The following SYT2 variants were observed in gnomAD, a reference collection of about 807,000 sequenced individuals.
SYT2 encodes the protein synaptotagmin 2, also known as synaptotagmin-2.
SYT2 carries 15 observed loss-of-function variants against 39.9 expected under a neutral mutation model. The ratio of observed to expected loss-of-function variants is 0.38; its 90% CI spans 0.25 to 0.58. The LOEUF is 0.58. Among genes scored for constraint, SYT2 ranks in the 20% least tolerant of loss-of-function variants. The pLI is 0.70. For missense variants in SYT2, 389 were observed against 530.3 expected (o/e 0.73, Z 2.62); for synonymous variants, 181 against 204.5 (o/e 0.89, Z 0.98).
At chr1:202,646,900 C>T (rs987184762) in intron 1 of SYT2, among the ~76,000 whole-genome samples, 3 of 152,192 alleles carry the variant, frequency 2.0e-5, no homozygotes, top group African/African-American at 7.2e-5. Context: ...TAACTTCTCC[C>T]TCTAGGCTTC....
intron 1 of SYT2, chr1:202,627,447 CAA>C (rs1290927287): frequency 2.0e-6 from 2 of 985,262 alleles, no homozygotes; most frequent in South Asian, 4.7e-5. Context: ...ACCCCAAAGC[CAA>C]AAGAGGCACC....
rs1690440500 is a variant in SYT2 at position 202,599,931 on chromosome 1, A to G, written c.919+426T>C. On this transcript the variant is annotated intron_variant, in intron 7 of 8. Coordinates refer to ENST00000367268, the MANE Select transcript of SYT2 (RefSeq NM_177402.5). The surrounding 1 kb of genome is among the most constrained non-coding windows in gnomAD (Gnocchi z 4.4). ...CCATTCACTGCCAGGTAAATGTGAT[A>G]TTCAGAGCATCTTCCACTCCCTTGC... Among the ~76,000 whole-genome samples, 1 of 152,172 alleles carries G rather than the reference A, an allele frequency of 6.6e-6. No individual in the cohort carries two copies. Among genetic ancestry groups the G allele is most frequent in the South Asian group, 2.1e-4 (1 of 4,830 alleles).
intron 1 of SYT2, among the ~76,000 whole-genome samples, chr1:202,651,635 T>C (rs1351318278): frequency 6.6e-6 from 1 of 152,224 alleles, no homozygotes; most frequent in East Asian, 1.9e-4. Flanking sequence ...TTCCTATCTA[T>C]CAATAGTTAT....
intron 1 of SYT2, among the ~76,000 whole-genome samples, chr1:202,627,195 G>A (rs1039094114): frequency 1.3e-5 from 2 of 152,190 alleles, no homozygotes; most frequent in African/African-American, 2.4e-5. Flanking sequence ...CAGAGACTGC[G>A]TCACTTCTTC....
rs969550399 is a variant in SYT2 at position 202,592,762 on chromosome 1, G to A, written c.*3995C>T. On this transcript the variant is annotated 3_prime_UTR_variant, in exon 9 of 9. Coordinates refer to ENST00000367268, the MANE Select transcript of SYT2 (RefSeq NM_177402.5). ...AAAACTGGTTAAGTCAAATCCTTGG[G>A]GTTCCTGGCCCCTTGGGACCAAAGG... 2 of 152,200 alleles carry A rather than the reference G, an allele frequency of 1.3e-5. No homozygotes were observed. Among genetic ancestry groups the A allele is most frequent in the Non-Finnish European group, 2.9e-5 (2 of 68,040 alleles). 9.4% of individuals were successfully genotyped at this position (152,200 alleles called of 1,614,324 possible).
intron 1 of SYT2, among the ~76,000 whole-genome samples, chr1:202,656,318 C>A (rs1279114248): frequency 1.3e-5 from 2 of 152,210 alleles, no homozygotes; most frequent in African/African-American, 2.4e-5. Flanking sequence ...TTTCCCGACT[C>A]CAGATCCTCG....
At chr1:202,631,378 A>G (rs940614896) in intron 1 of SYT2, among the ~76,000 whole-genome samples, 1 of 152,178 alleles carries the variant, frequency 6.6e-6, no homozygotes, top group African/African-American at 2.4e-5. Flanking sequence ...CCGTAAACAC[A>G]GCTAGCCTGC....
chr1:202,669,799 T>C (rs1251456557), intron 1 of SYT2, among the ~76,000 whole-genome samples: 2 of 150,778 alleles, frequency 1.3e-5, no homozygotes, highest in East Asian at 3.9e-4. Context: ...TTATCTTTAA[T>C]AGATTTCAAG....
intron 1 of SYT2, among the ~76,000 whole-genome samples, chr1:202,644,306 C>G (rs796461789): frequency 1.3e-5 from 2 of 152,028 alleles, no homozygotes; most frequent in Admixed American, 1.3e-4. Context: ...GGCTCTGCCA[C>G]GGACCCGACA....
chr1:202,635,510 A>G (rs991705031), intron 1 of SYT2, among the ~76,000 whole-genome samples: 3 of 152,230 alleles, frequency 2.0e-5, no homozygotes, highest in Non-Finnish European at 4.4e-5. Context: ...GTGGACTTCA[A>G]GACATGAGCT....
chr1:202,604,701 T>C, intron 2 of SYT2, 80 bp from the exon 3 acceptor site: 1 of 1,412,856 alleles, frequency 7.1e-7, no homozygotes, highest in Non-Finnish European at 9.6e-7. Flanking sequence ...GAAAAATGGG[T>C]GAGGAATATG....
chr1:202,655,783 T>A (rs1480638097), intron 1 of SYT2, among the ~76,000 whole-genome samples: 3 of 152,178 alleles, frequency 2.0e-5, no homozygotes, highest in Non-Finnish European at 4.4e-5. Flanking sequence ...TCACCTTTCA[T>A]CTGTGTCATG....
At chr1:202,680,618 GAGAA>G (rs759170418) in intron 1 of SYT2, among the ~76,000 whole-genome samples, 71 of 152,176 alleles carry the variant, frequency 4.7e-4, no homozygotes, top group Non-Finnish European at 8.4e-4. Flanking sequence ...TGCCCAAGGG[GAGAA>G]AGAGAGAGTT....
intron 1 of SYT2, among the ~76,000 whole-genome samples, chr1:202,625,767 C>T (rs1453877465): frequency 1.3e-5 from 2 of 151,952 alleles, no homozygotes; most frequent in Non-Finnish European, 2.9e-5. Flanking sequence ...GGTGGGAGGC[C>T]GGAGGCAGAA....
At chr1:202,674,967 C>G (rs1413171760) in intron 1 of SYT2, among the ~76,000 whole-genome samples, 2 of 152,136 alleles carry the variant, frequency 1.3e-5, no homozygotes, top group African/African-American at 2.4e-5. Flanking sequence ...CTGAAGTTAT[C>G]TTGTTCAGAA....
rs150534182 is a variant in SYT2, at chr1:202,600,246, C to T, written c.919+111G>A. 4.8e-4 allele frequency: 418 copies of T among 872,660 alleles called. No individual in the cohort carries two copies. In the East Asian group the frequency reaches 9.3e-3, roughly 19 times the overall value. The allele number at this position is 872,660 out of a possible 1,614,324, so 54.1% of individuals were successfully genotyped here. A position where few individuals can be genotyped will look rare whatever the true frequency, so the allele number is the denominator to read the frequency against. On this transcript the variant is annotated intron_variant, in intron 7 of 8. Coordinates refer to ENST00000367268, the MANE Select transcript of SYT2 (RefSeq NM_177402.5). The stretch of plus-strand genomic sequence containing the variant: ...TCCCCCGCTCCTCGAGGAGACATCT[C>T]AGTCCCAGGGCAGCAAAGTGTTCCT...
At chr1:202,661,780 C>T (rs1462864096) in intron 1 of SYT2, among the ~76,000 whole-genome samples, 4 of 152,206 alleles carry the variant, frequency 2.6e-5, no homozygotes, top group Non-Finnish European at 5.9e-5. Flanking sequence ...GGATCCAATC[C>T]CCACATTTTG....
intron 1 of SYT2, among the ~76,000 whole-genome samples, chr1:202,702,195 G>A (rs895489331): frequency 1.1e-4 from 17 of 152,194 alleles, no homozygotes; most frequent in South Asian, 4.1e-4. Flanking sequence ...GGTGGAGCAC[G>A]CCTCCCTGGG....
chr1:202,648,838 G>C (rs1211424047), intron 1 of SYT2, among the ~76,000 whole-genome samples: 1 of 152,232 alleles, frequency 6.6e-6, no homozygotes, highest in African/African-American at 2.4e-5. Context: ...GCACAACAGG[G>C]CTTGAGGTCA....
Sources: gnomAD v4.1 joint callset for allele counts (sites outside exome capture counted in the v4.1 genomes callset) on GRCh38, gnomAD v4.1.1 for gene constraint, Gnocchi (gnomAD v3.1) non-coding constraint, MANE v1.5 for transcripts, NCBI Gene and HGNC (gene_info 2026-07-23, HGNC 2026-07-21) for gene names.